Variants in ATRN observed in about 807,000 individuals in gnomAD.
ATRN encodes the protein attractin-2.
A neutral mutation model predicts 178.7 loss-of-function variants in ATRN; 54 were observed. The observed-to-expected ratio is 0.30, with a 90% CI of 0.24 to 0.38. ATRN has a LOEUF of 0.38. Among genes scored for constraint, ATRN ranks in the 10% least tolerant of loss-of-function variants. ATRN has a pLI of 1.00. For missense variants in ATRN, 1,443 were observed against 1,815.1 expected, an observed-to-expected ratio of 0.79 and a Z score of 3.73; for synonymous variants, 636 against 663.0, an observed-to-expected ratio of 0.96 and a Z score of 0.63.
intron 1 of ATRN, chr20:3,490,485 C>A: frequency 1.7e-6 from 2 of 1,148,838 alleles, no homozygotes; most frequent in Non-Finnish European, 2.6e-6. Flanking sequence ...ACTCTGCATT[C>A]TTCCTTTCTT....
At chr20:3,500,233 A>G (rs1037110818) in intron 1 of ATRN, among the ~76,000 whole-genome samples, 2 of 152,182 alleles carry the variant, frequency 1.3e-5, no homozygotes, top group African/African-American at 2.4e-5. Context: ...TACACTGTTG[A>G]TGGGACTGTA....
At chr20:3,503,260 T>A (rs1291981514) in intron 1 of ATRN, among the ~76,000 whole-genome samples, 6 of 152,120 alleles carry the variant, frequency 3.9e-5, no homozygotes, top group Non-Finnish European at 8.8e-5. Context: ...GTTAAAAGAT[T>A]TAATAGAAGC....
intron 22 of ATRN, among the ~76,000 whole-genome samples, chr20:3,598,700 G>A (rs1239562944): frequency 6.6e-6 from 1 of 152,170 alleles, no homozygotes; most frequent in South Asian, 2.1e-4. Context: ...AGAACACGAA[G>A]ATGCACCTGT....
intron 24 of ATRN, among the ~76,000 whole-genome samples, chr20:3,616,159 C>T (rs1455182282): frequency 1.3e-5 from 2 of 152,136 alleles, no homozygotes; most frequent in African/African-American, 4.8e-5. Context: ...CCTTGGGTTT[C>T]ATCTGGACTC....
At chr20:3,552,023 G>A (rs1165235827) in intron 6 of ATRN, among the ~76,000 whole-genome samples, 1 of 152,104 alleles carries the variant, frequency 6.6e-6, no homozygotes, top group Admixed American at 6.5e-5. Context: ...TATCTTACTT[G>A]ATCTGGCACC....
At chr20:3,475,250 A>T (rs1024402613) in intron 1 of ATRN, among the ~76,000 whole-genome samples, 1 of 152,088 alleles carries the variant, frequency 6.6e-6, no homozygotes, top group Non-Finnish European at 1.5e-5. Flanking sequence ...AATTGCCGTT[A>T]TAGGGTTTTT....
chr20:3,581,283 A>G (rs1220188992), intron 15 of ATRN, among the ~76,000 whole-genome samples: 1 of 152,214 alleles, frequency 6.6e-6, no homozygotes, highest in Admixed American at 6.5e-5. Context: ...AATACAGTAT[A>G]TCTTTTGTTT....
At chr20:3,530,633 A>G (rs1021884623) in intron 1 of ATRN, among the ~76,000 whole-genome samples, 7 of 152,068 alleles carry the variant, frequency 4.6e-5, no homozygotes, top group African/African-American at 1.7e-4. Context: ...AAATACGAGT[A>G]TAAGGAATTG....
intron 1 of ATRN, among the ~76,000 whole-genome samples, chr20:3,527,227 A>G (rs2085377922): frequency 6.6e-6 from 1 of 152,192 alleles, no homozygotes; most frequent in Non-Finnish European, 1.5e-5. Flanking sequence ...CAAATTTACA[A>G]GAAAAAAAGC....
intron 1 of ATRN, among the ~76,000 whole-genome samples, chr20:3,506,972 C>G (rs962414459): frequency 4.0e-5 from 6 of 151,432 alleles, no homozygotes; most frequent in African/African-American, 1.5e-4. Context: ...GGAAAAAATA[C>G]CTGTATAGAA....
At chr20:3,540,098 T>C (rs747415797) in intron 2 of ATRN, 124 bp from the exon 3 acceptor site, 5 of 537,076 alleles carry the variant, frequency 9.3e-6, no homozygotes, top group African/African-American at 7.8e-5. Context: ...AATGAAGGAA[T>C]ACTGGTGGGG....
chr20:3,527,162 A>C (rs2085376875), intron 1 of ATRN, among the ~76,000 whole-genome samples: 1 of 152,186 alleles, frequency 6.6e-6, no homozygotes, highest in African/African-American at 2.4e-5. Flanking sequence ...AATGGGAGAA[A>C]ATTTTTGCAA....
chr20:3,531,703 A>G (rs151528), intron 1 of ATRN, among the ~76,000 whole-genome samples: 34,575 of 152,122 alleles, frequency 0.23, 4,473 homozygotes, highest in African/African-American at 0.32. Context: ...TCATAGGCTC[A>G]TGAGTATGAA....
rs6139139 is a variant in ATRN at position 3,489,270 on chromosome 20, A to G, written c.410+17753A>G. 3.2e-4 allele frequency among the ~76,000 whole-genome samples: 49 copies of G among 152,100 alleles called. No homozygotes were observed. The East Asian group carries it at 8.1e-3, about 25-fold the overall frequency. ...GCCACAGATATTTGATGTTTTTTAT[A>G]CTTTTGTAAATTGTATCTTTAAATT... On this transcript the variant is annotated intron_variant, in intron 1 of 28. Coordinates refer to ENST00000262919, the MANE Select transcript of ATRN (RefSeq NM_139321.3).
intron 1 of ATRN, among the ~76,000 whole-genome samples, chr20:3,504,054 A>C (rs926211110): frequency 6.6e-6 from 1 of 152,182 alleles, no homozygotes; most frequent in Non-Finnish European, 1.5e-5. Context: ...ATGTTACATT[A>C]CCTATAGGGA....
At chr20:3,472,387 G>C (rs190259750) in intron 1 of ATRN, among the ~76,000 whole-genome samples, 1 of 152,298 alleles carries the variant, frequency 6.6e-6, no homozygotes, top group Non-Finnish European at 1.5e-5. Context: ...GGGTTACAGA[G>C]TCATTCACGC....
chr20:3,620,696 G>A (rs930646763), intron 24 of ATRN, among the ~76,000 whole-genome samples: 1 of 152,218 alleles, frequency 6.6e-6, no homozygotes, highest in Non-Finnish European at 1.5e-5. Context: ...TGAGAGCCAT[G>A]GCCTAGTTCT....
chr20:3,615,050 T>C (rs2086823484), intron 24 of ATRN, among the ~76,000 whole-genome samples: 1 of 152,216 alleles, frequency 6.6e-6, no homozygotes, highest in African/African-American at 2.4e-5. Flanking sequence ...CTTTGGCTAT[T>C]ATGAATAGTG....
intron 25 of ATRN, 95 bp downstream of exon 25, chr20:3,624,667 C>G: frequency 9.4e-7 from 1 of 1,060,270 alleles, no homozygotes; most frequent in Admixed American, 2.1e-5. Flanking sequence ...AAGAATAATC[C>G]TGTGTTTCCA....
Sources: allele counts gnomAD v4.1 joint callset (sites outside exome capture counted in the v4.1 genomes callset), GRCh38; gene constraint gnomAD v4.1.1; transcripts MANE v1.5; gene names NCBI Gene and HGNC (gene_info 2026-07-23, HGNC 2026-07-21).